The following PSD3 variants were observed in gnomAD, a reference collection of about 807,000 sequenced individuals.
The protein encoded by PSD3 is PH and SEC7 domain-containing protein 3.
In PSD3, 49 loss-of-function variants were observed where a neutral mutation model predicts 105.5. The observed-to-expected ratio is 0.46, with a 90% CI of 0.37 to 0.59. PSD3 has a LOEUF of 0.59. Ranked by LOEUF, PSD3 falls within the 20% of genes least tolerant of loss-of-function variation. The probability of loss-of-function intolerance (pLI) is 0.00; values close to 1 mark genes in which losing one functional copy is unlikely to be tolerated. For missense variants in PSD3, 1,561 were observed against 1,263.8 expected (o/e 1.24, Z -3.57); for synonymous variants, 557 against 457.8 (o/e 1.22, Z -2.77).
chr8:18,635,769 C>G (rs922045682), intron 10 of PSD3, among the ~76,000 whole-genome samples: 21 of 151,254 alleles, frequency 1.4e-4, no homozygotes, highest in African/African-American at 4.9e-4. Flanking sequence ...TCATTCTCAG[C>G]AAACTAACAC....
At chr8:18,605,483 T>C (rs913482854) in intron 11 of PSD3, among the ~76,000 whole-genome samples, 5 of 152,162 alleles carry the variant, frequency 3.3e-5, no homozygotes, top group African/African-American at 1.2e-4. Context: ...TACAGGTTCA[T>C]AGGTAGAAGG....
At chr8:18,820,426 T>G (rs1228871665) in intron 4 of PSD3, among the ~76,000 whole-genome samples, 3 of 152,134 alleles carry the variant, frequency 2.0e-5, no homozygotes, top group African/African-American at 7.2e-5. Flanking sequence ...AACACTCCCC[T>G]ACAAAATACC....
chr8:18,831,039 T>G (rs1442690964), intron 4 of PSD3, among the ~76,000 whole-genome samples: 1 of 140,726 alleles, frequency 7.1e-6, no homozygotes, highest in African/African-American at 3.1e-5. Flanking sequence ...AAGCAAGGAC[T>G]TGTGACACCG....
At chr8:18,765,955 G>A (rs1361568738) in intron 8 of PSD3, among the ~76,000 whole-genome samples, 11 of 142,472 alleles carry the variant, frequency 7.7e-5, no homozygotes, top group East Asian at 2.0e-4. Flanking sequence ...GTGACAGAGC[G>A]AGACTCCATC....
chr8:18,702,556 T>G (rs1481401705), intron 9 of PSD3, among the ~76,000 whole-genome samples: 1 of 152,174 alleles, frequency 6.6e-6, no homozygotes, highest in Non-Finnish European at 1.5e-5. Flanking sequence ...AACATTTATC[T>G]TTGGTTTGTG....
chr8:18,675,349 A>G (rs1326535506), intron 9 of PSD3, among the ~76,000 whole-genome samples: 2 of 152,200 alleles, frequency 1.3e-5, no homozygotes, highest in African/African-American at 4.8e-5. Flanking sequence ...ACTGCAGCTG[A>G]GTGCAAGAAG....
chr8:18,579,376 A>T (rs1397373163), intron 12 of PSD3, among the ~76,000 whole-genome samples: 1 of 152,216 alleles, frequency 6.6e-6, no homozygotes, highest in African/African-American at 2.4e-5. Context: ...AATCCAATCA[A>T]GAAATTTTCT....
chr8:18,821,807 G>C (rs1165938189), intron 4 of PSD3, among the ~76,000 whole-genome samples: 1 of 109,678 alleles, frequency 9.1e-6, no homozygotes, highest in Non-Finnish European at 1.9e-5. Context: ...TCATAATTTA[G>C]CCTCTCACTT....
intron 9 of PSD3, among the ~76,000 whole-genome samples, chr8:18,693,165 C>G (rs1801064715): frequency 6.6e-6 from 1 of 152,206 alleles, no homozygotes; most frequent in African/African-American, 2.4e-5. Context: ...GCTGGTTGTA[C>G]TGCTGCTACC....
At chr8:18,575,457 TG>T (rs1461612130) in intron 12 of PSD3, among the ~76,000 whole-genome samples, 172 bp from the exon 13 acceptor site, 1 of 152,232 alleles carries the variant, frequency 6.6e-6, no homozygotes, top group East Asian at 1.9e-4. Flanking sequence ...AACATTATGT[TG>T]TTTGAAAAAT....
chr8:18,536,387 A>G (rs544953305), intron 15 of PSD3, among the ~76,000 whole-genome samples: 1 of 152,188 alleles, frequency 6.6e-6, no homozygotes, highest in East Asian at 1.9e-4. Flanking sequence ...ACTGGCTTGG[A>G]TATGGTTGTT....
At chr8:18,910,519 G>A (rs1456581911) in intron 2 of PSD3, among the ~76,000 whole-genome samples, 1 of 119,776 alleles carries the variant, frequency 8.3e-6, no homozygotes, top group Non-Finnish European at 1.7e-5. Flanking sequence ...GATAGCATTG[G>A]GAGATATACC....
chr8:18,963,067 C>T (rs984019347), intron 1 of PSD3, among the ~76,000 whole-genome samples: 37 of 151,982 alleles, frequency 2.4e-4, no homozygotes, highest in South Asian at 4.2e-4. Context: ...TGGTGGGAGG[C>T]GAAAGGCACT....
At chr8:19,010,684 T>TC (rs1176772509) in intron 1 of PSD3, among the ~76,000 whole-genome samples, 1 of 151,902 alleles carries the variant, frequency 6.6e-6, no homozygotes, top group Non-Finnish European at 1.5e-5. Context: ...TTCCAGCAAA[T>TC]CCCTGAGTCT....
intron 1 of PSD3, among the ~76,000 whole-genome samples, chr8:18,953,211 T>C (rs1229347617): frequency 1.3e-5 from 2 of 152,188 alleles, no homozygotes; most frequent in East Asian, 3.9e-4. Flanking sequence ...TGACAATCAA[T>C]TTTGAAAGGC....
intron 2 of PSD3, among the ~76,000 whole-genome samples, chr8:18,913,982 C>T (rs1820412785): frequency 6.6e-6 from 1 of 152,130 alleles, no homozygotes; most frequent in Admixed American, 6.5e-5. Flanking sequence ...CCCAACTCAA[C>T]AGACACAAGC....
At position 18,743,965 on chromosome 8, in the gene PSD3, C is replaced by CCAT. The variant is rs1225433485; in HGVS notation, c.2172+21483_2172+21484insATG. 2.5e-4 allele frequency among the ~76,000 whole-genome samples: 5 copies of CCAT among 20,066 alleles called. No homozygotes were observed. The Non-Finnish European group carries it at 3.7e-3, about 15-fold the overall frequency. 13.2% of individuals were successfully genotyped at this position (20,066 alleles called of 152,430 possible). A position where few individuals can be genotyped will look rare whatever the true frequency, so the allele number is the denominator to read the frequency against. On this transcript the variant is annotated intron_variant, in intron 9 of 15. Transcript: ENST00000327040. The stretch of plus-strand genomic sequence containing the variant: ...AAAGTGCAAACTCTGTCTCTCACCA[C>CCAT]CACCACCACCACCACCACCACCACC...
At chr8:18,746,079 G>A (rs776499940) in intron 9 of PSD3, among the ~76,000 whole-genome samples, 4 of 152,222 alleles carry the variant, frequency 2.6e-5, no homozygotes, top group African/African-American at 4.8e-5. Context: ...ACCAAACTGA[G>A]AGTGTCTTCC....
At chr8:18,856,050 C>T (rs777404047) in intron 4 of PSD3, among the ~76,000 whole-genome samples, 8 of 152,152 alleles carry the variant, frequency 5.3e-5, no homozygotes, top group Non-Finnish European at 1.0e-4. Context: ...TCTCAAGTCC[C>T]CAAATCCAAG....
Sources: allele counts gnomAD v4.1 joint callset (sites outside exome capture counted in the v4.1 genomes callset), GRCh38; gene constraint gnomAD v4.1.1; transcripts MANE v1.5; gene names NCBI Gene and HGNC (gene_info 2026-07-23, HGNC 2026-07-21).